ROCK2: variants seen among roughly 807,000 people sequenced by gnomAD.
The protein encoded by ROCK2 is rho-associated protein kinase 2.
Under a neutral mutation model 195.1 loss-of-function variants are expected in ROCK2, and 61 were observed. The ratio of observed to expected loss-of-function variants is 0.31; its 90% CI spans 0.25 to 0.39. ROCK2 has a LOEUF of 0.39. Ranked by LOEUF, ROCK2 falls within the 10% of genes least tolerant of loss-of-function variation. The pLI is 1.00. For synonymous variants in ROCK2, 504 were observed against 545.5 expected, an observed-to-expected ratio of 0.92 and a Z score of 1.06; for missense variants, 1,109 against 1,637.4, an observed-to-expected ratio of 0.68 and a Z score of 5.57.
chr2:11,247,456 CCA>C (rs1217175199), intron 4 of ROCK2, among the ~76,000 whole-genome samples: 5 of 152,130 alleles, frequency 3.3e-5, no homozygotes, highest in Non-Finnish European at 5.9e-5. Flanking sequence ...CATATAAAGG[CCA>C]CAATTATAAT....
intron 1 of ROCK2, among the ~76,000 whole-genome samples, chr2:11,291,529 C>T (rs752620637): frequency 1.3e-5 from 2 of 149,894 alleles, no homozygotes; most frequent in Non-Finnish European, 3.0e-5. Flanking sequence ...CCAGCCTGAG[C>T]GACAGACCAA....
chr2:11,300,647 C>T (rs1233275883), intron 1 of ROCK2, among the ~76,000 whole-genome samples: 1 of 152,152 alleles, frequency 6.6e-6, no homozygotes, highest in Non-Finnish European at 1.5e-5. Context: ...TTCTTACACT[C>T]AAAATGGAAA....
chr2:11,344,774 T>C (rs1290367089), upstream of ROCK2, among the ~76,000 whole-genome samples: 1 of 149,792 alleles, frequency 6.7e-6, no homozygotes, highest in Non-Finnish European at 1.5e-5. The surrounding 1 kb of genome is among the most constrained non-coding windows in gnomAD (Gnocchi z 5.4). Flanking sequence ...CCTGCGTCTG[T>C]CCCGCTCCGC....
intron 1 of ROCK2, among the ~76,000 whole-genome samples, chr2:11,318,942 C>T (rs1216971884): frequency 3.9e-5 from 6 of 152,038 alleles, no homozygotes; most frequent in South Asian, 2.1e-4. Flanking sequence ...CTGAGGGCTC[C>T]GTTCTGTTCC....
chr2:11,216,234 A>T (rs781248374), intron 12 of ROCK2, 28 bp from the exon 13 acceptor site: 5 of 1,454,078 alleles, frequency 3.4e-6, no homozygotes, highest in Non-Finnish European at 4.8e-6. Flanking sequence ...GAAACAGTAA[A>T]TAACTTCTAA....
intron 18 of ROCK2, among the ~76,000 whole-genome samples, chr2:11,209,359 T>C (rs894825869): frequency 1.3e-5 from 2 of 152,192 alleles, no homozygotes; most frequent in Non-Finnish European, 2.9e-5. Flanking sequence ...GAAGATTTAA[T>C]ACATGTGTAC....
At chr2:11,293,159 G>A (rs1375064027) in intron 1 of ROCK2, among the ~76,000 whole-genome samples, 1 of 152,150 alleles carries the variant, frequency 6.6e-6, no homozygotes, top group African/African-American at 2.4e-5. Context: ...TAAAGTAAAG[G>A]AAGTCTAGAA....
chr2:11,230,050 A>T (rs1337518966), intron 5 of ROCK2, among the ~76,000 whole-genome samples: 1 of 152,156 alleles, frequency 6.6e-6, no homozygotes, highest in African/African-American at 2.4e-5. Context: ...ATTAAATATA[A>T]ACATGTGTGC....
chr2:11,208,372 C>A lies in ROCK2; in HGVS notation c.2279G>T (p.Arg760Ile). Residue 760 changes from arginine to isoleucine, a missense_variant, in exon 19 of 33, where the codon AGA (arginine) becomes ATA (isoleucine). This residue lies in a region of ROCK2 where 542 missense variants were observed against 672.0 expected (regional missense o/e 0.81). Coordinates refer to ENST00000315872, the MANE Select transcript of ROCK2 (RefSeq NM_004850.5). ...VENLLLEAEK[R>I]CSLLDCDLKQ... is the part of the protein sequence containing the mutation. The stretch of plus-strand genomic sequence containing the variant: ...GAGGTCACAGTCTAATAGAGAACAT[C>A]TTTTCTCAGCTTCTAGCAATAGGTT... The A allele has an allele frequency of 6.4e-7, 1 of 1,552,328 alleles. No homozygotes were observed. The highest frequency in any genetic ancestry group is 1.2e-5 in the South Asian group (1 of 80,798).
chr2:11,314,916 A>G (rs1384235307), intron 1 of ROCK2, among the ~76,000 whole-genome samples: 1 of 152,082 alleles, frequency 6.6e-6, no homozygotes. Flanking sequence ...CTGAATTATT[A>G]CTTTATTAAA....
At chr2:11,242,278 A>T (rs1266971483) in intron 4 of ROCK2, among the ~76,000 whole-genome samples, 2 of 152,166 alleles carry the variant, frequency 1.3e-5, no homozygotes, top group African/African-American at 2.4e-5. Flanking sequence ...ATTTTACTGA[A>T]CACAAAAGGC....
intron 3 of ROCK2, among the ~76,000 whole-genome samples, chr2:11,281,612 T>A (rs536211170): frequency 6.6e-6 from 1 of 152,136 alleles, no homozygotes; most frequent in South Asian, 2.1e-4. Flanking sequence ...GCAATACATA[T>A]GAAATTAAAT....
intron 3 of ROCK2, among the ~76,000 whole-genome samples, chr2:11,268,548 G>GTGTGTT (rs1558343687): frequency 6.6e-6 from 1 of 151,488 alleles, no homozygotes; most frequent in African/African-American, 2.4e-5. Context: ...GTGTGTGTGT[G>GTGTGTT]TGTGTGTGTC....
chr2:11,329,717 T>C (rs958298099), intron 1 of ROCK2, among the ~76,000 whole-genome samples: 2 of 151,774 alleles, frequency 1.3e-5, no homozygotes, highest in African/African-American at 4.8e-5. Flanking sequence ...AAAAAATTGC[T>C]TGCAGCAGAA....
chr2:11,303,938 C>T (rs1002964941), intron 1 of ROCK2, among the ~76,000 whole-genome samples: 1 of 152,134 alleles, frequency 6.6e-6, no homozygotes, highest in African/African-American at 2.4e-5. Flanking sequence ...GTCAGGACTG[C>T]CTTGCCCTAT....
At chr2:11,189,038 C>CAA (rs900100841) in intron 32 of ROCK2, among the ~76,000 whole-genome samples, 7 of 141,430 alleles carry the variant, frequency 4.9e-5, no homozygotes, top group Non-Finnish European at 1.1e-4. Context: ...CGTCATGTCA[C>CAA]AAAAAAAAAG....
chr2:11,193,728 A>G (rs1440530794), intron 30 of ROCK2, 51 bp downstream of exon 30: 4 of 1,118,022 alleles, frequency 3.6e-6, no homozygotes, highest in Non-Finnish European at 5.2e-6. Context: ...TCTAAATGTG[A>G]AAAAAACAAA....
intron 1 of ROCK2, among the ~76,000 whole-genome samples, chr2:11,296,086 T>G (rs1572376160): frequency 7.4e-6 from 1 of 135,406 alleles, no homozygotes; most frequent in East Asian, 2.3e-4. Flanking sequence ...AACCTACACT[T>G]CATGGACATT....
intron 3 of ROCK2, among the ~76,000 whole-genome samples, chr2:11,271,754 G>A (rs938707752): frequency 5.3e-5 from 8 of 152,188 alleles, no homozygotes; most frequent in African/African-American, 1.7e-4. Flanking sequence ...GGGGCTGGGC[G>A]CGGTGGCTCA....
Sources: gnomAD v4.1 joint callset for allele counts (sites outside exome capture counted in the v4.1 genomes callset) on GRCh38, gnomAD v4.1.1 for gene constraint, gnomAD v4.1.1 regional missense constraint, Gnocchi (gnomAD v3.1) non-coding constraint, MANE v1.5 for transcripts, NCBI Gene and HGNC (gene_info 2026-07-23, HGNC 2026-07-21) for gene names.